The following FOXP2 variants were observed in gnomAD, a reference collection of about 807,000 sequenced individuals.
FOXP2 encodes forkhead box protein P2.
A neutral mutation model predicts 115.8 loss-of-function variants in FOXP2; 12 were observed. The observed-to-expected ratio is 0.10, with a 90% CI of 0.07 to 0.17. The LOEUF (loss-of-function observed/expected upper bound fraction) is 0.17, where lower values mean the gene tolerates loss of function less well. Among genes scored for constraint, FOXP2 ranks in the 10% least tolerant of loss-of-function variants. FOXP2 has a pLI of 1.00. For missense variants in FOXP2, 629 were observed against 843.5 expected, an observed-to-expected ratio of 0.75 and a Z score of 3.15; for synonymous variants, 328 against 297.7, an observed-to-expected ratio of 1.10 and a Z score of -1.05.
chr7:114,163,357 G>C (rs1401599591), intron 1 of FOXP2, among the ~76,000 whole-genome samples: 1 of 151,958 alleles, frequency 6.6e-6, no homozygotes, highest in Admixed American at 6.5e-5. Flanking sequence ...TGAGTATTCT[G>C]ATGAAAAGAA....
intron 2 of FOXP2, among the ~76,000 whole-genome samples, chr7:114,435,642 A>T (rs1794308598): frequency 6.6e-6 from 1 of 152,068 alleles, no homozygotes; most frequent in South Asian, 2.1e-4. Context: ...GGTTCAAGAG[A>T]TCCTCCTGCC....
chr7:114,454,025 A>C (rs1171206691), intron 2 of FOXP2, among the ~76,000 whole-genome samples: 1 of 152,064 alleles, frequency 6.6e-6, no homozygotes, highest in East Asian at 1.9e-4. Context: ...AATGGGATCT[A>C]ATTAAACTAA....
At chr7:114,183,870 A>T (rs995985008) in intron 1 of FOXP2, among the ~76,000 whole-genome samples, 7 of 152,116 alleles carry the variant, frequency 4.6e-5, no homozygotes, top group African/African-American at 1.4e-4. Flanking sequence ...AGAATTTGGG[A>T]TAAAGTGTTT....
chr7:114,631,620 G>A lies in FOXP2; in HGVS notation c.690G>A (p.Gln230=). Residue 230 remains glutamine, a synonymous_variant, in exon 6 of 17, where the codon CAG becomes CAA. Coordinates refer to ENST00000350908, the MANE Select transcript of FOXP2 (RefSeq NM_014491.4). ...TCCAGATGCAACAACTCCAGCAGCA[G>A]CAGCATCTGCTCAGCCTTCAGCGTC... ...QLLQMQQLQQ[Q]QHLLSLQRQG... 2 of 1,613,848 alleles carry A rather than the reference G, an allele frequency of 1.2e-6. No homozygotes were observed. Among genetic ancestry groups the A allele is most frequent in the Non-Finnish European group, 8.5e-7 (1 of 1,179,940 alleles).
intron 11 of FOXP2, 57 bp from the exon 12 acceptor site, chr7:114,659,299 C>A: frequency 8.0e-7 from 1 of 1,250,896 alleles, no homozygotes; most frequent in South Asian, 1.2e-5. Flanking sequence ...TATGAAAATT[C>A]AATTATATAT....
chr7:114,651,320 A>G (rs534428843), intron 8 of FOXP2, among the ~76,000 whole-genome samples: 12 of 152,116 alleles, frequency 7.9e-5, no homozygotes, highest in Non-Finnish European at 1.3e-4. Context: ...GATACACTAA[A>G]GGATATTGAA....
chr7:114,401,429 T>G (rs1792884589), intron 2 of FOXP2, among the ~76,000 whole-genome samples: 1 of 152,176 alleles, frequency 6.6e-6, no homozygotes, highest in Non-Finnish European at 1.5e-5. Context: ...ACTTGTCTTT[T>G]TCCCCTTCCT....
intron 1 of FOXP2, among the ~76,000 whole-genome samples, chr7:114,271,969 T>C (rs1197538430): frequency 7.5e-6 from 1 of 133,428 alleles, no homozygotes; most frequent in East Asian, 2.1e-4. Flanking sequence ...ATTAATTATA[T>C]ATAATATAAT....
chr7:114,271,524 AATT>A (rs901030211), intron 1 of FOXP2, among the ~76,000 whole-genome samples: 7 of 130,540 alleles, frequency 5.4e-5, no homozygotes, highest in African/African-American at 2.0e-4. Flanking sequence ...ATATTAATAT[AATT>A]ATTATATTAT....
intron 1 of FOXP2, among the ~76,000 whole-genome samples, chr7:114,172,344 G>A (rs1318626599): frequency 2.0e-5 from 3 of 152,134 alleles, no homozygotes; most frequent in Non-Finnish European, 4.4e-5. Flanking sequence ...GTTGCCAGGA[G>A]TTATGGGCGA....
intron 3 of FOXP2, among the ~76,000 whole-genome samples, chr7:114,547,710 G>C (rs895010039): frequency 1.3e-5 from 2 of 152,062 alleles, no homozygotes; most frequent in Non-Finnish European, 2.9e-5. Flanking sequence ...AGTGAGTTGA[G>C]ATCATGCCAC....
intron 1 of FOXP2, among the ~76,000 whole-genome samples, chr7:114,140,194 C>A (rs1792167047): frequency 6.6e-6 from 1 of 152,196 alleles, no homozygotes; most frequent in East Asian, 1.9e-4. Context: ...TTTCTTCCAC[C>A]TAGAAATAGT....
chr7:114,665,847 C>A (rs1807135264), intron 16 of FOXP2: 2 of 152,048 alleles, frequency 1.3e-5, no homozygotes, highest in Non-Finnish European at 2.9e-5. Flanking sequence ...TCCTATCAGC[C>A]ATGCAGTGGG....
chr7:114,165,028 C>T (rs1218403489), intron 1 of FOXP2, among the ~76,000 whole-genome samples: 1 of 151,724 alleles, frequency 6.6e-6, no homozygotes, highest in Admixed American at 6.6e-5. Context: ...TTTGGAAATG[C>T]AAGAAGTGAT....
chr7:114,222,914 G>A (rs771619479), intron 1 of FOXP2, among the ~76,000 whole-genome samples: 6 of 152,234 alleles, frequency 3.9e-5, no homozygotes, highest in Middle Eastern at 3.4e-3. Flanking sequence ...CTCAACTAAA[G>A]AAATTTAACT....
intron 2 of FOXP2, among the ~76,000 whole-genome samples, chr7:114,503,543 A>G (rs545875869): frequency 6.6e-6 from 1 of 151,386 alleles, no homozygotes; most frequent in Non-Finnish European, 1.5e-5. Flanking sequence ...CATCAAGGAT[A>G]CATTTATTAT....
At chr7:114,131,931 A>G (rs1791889870) in intron 1 of FOXP2, among the ~76,000 whole-genome samples, 1 of 152,178 alleles carries the variant, frequency 6.6e-6, no homozygotes. Context: ...AATATTTCAC[A>G]TTGTTTATGT....
At chr7:114,539,887 C>T (rs1799572200) in intron 3 of FOXP2, among the ~76,000 whole-genome samples, 2 of 151,934 alleles carry the variant, frequency 1.3e-5, no homozygotes, top group African/African-American at 4.8e-5. Flanking sequence ...CTGCCCTTGC[C>T]ATTAATAGGG....
intron 1 of FOXP2, among the ~76,000 whole-genome samples, chr7:114,195,811 A>G (rs1793888868): frequency 6.6e-6 from 1 of 152,048 alleles, no homozygotes; most frequent in African/African-American, 2.4e-5. Flanking sequence ...AATATATTCA[A>G]AATAAACTAT....
Sources: gnomAD v4.1 joint callset for allele counts (sites outside exome capture counted in the v4.1 genomes callset) on GRCh38, gnomAD v4.1.1 for gene constraint, MANE v1.5 for transcripts, NCBI Gene and HGNC (gene_info 2026-07-23, HGNC 2026-07-21) for gene names.